Variants in ZNF112 observed in about 807,000 individuals in gnomAD.
ZNF112 encodes the protein zinc finger protein 112 (Y14).
In ZNF112, 37 loss-of-function variants were observed where a neutral mutation model predicts 77.7. The ratio of observed to expected loss-of-function variants is 0.48; its 90% CI spans 0.37 to 0.63. ZNF112 has a LOEUF of 0.63. Ranked by LOEUF, ZNF112 falls within the 20% of genes least tolerant of loss-of-function variation. The probability of loss-of-function intolerance (pLI) is 0.00; values close to 1 mark genes in which losing one functional copy is unlikely to be tolerated. For missense variants in ZNF112, 950 were observed against 1,077.4 expected, an observed-to-expected ratio of 0.88 and a Z score of 1.66; for synonymous variants, 333 against 363.6, an observed-to-expected ratio of 0.92 and a Z score of 0.96.
At chr19:44,360,257 GA>G (rs55864740), upstream of ZNF112, among the ~76,000 whole-genome samples, 9 of 138,722 alleles carry the variant, frequency 6.5e-5, no homozygotes, top group South Asian at 2.2e-4. Context: ...TCCATCTCAA[GA>G]AAAAAAAAAA....
upstream of ZNF112, among the ~76,000 whole-genome samples, chr19:44,359,315 C>CTGTTTTT (rs1970830409): frequency 1.8e-5 from 1 of 54,834 alleles, no homozygotes; most frequent in African/African-American, 7.0e-5. Flanking sequence ...TATTAGAGTT[C>CTGTTTTT]TTTTTTTTTT....
At chr19:44,367,138 A>G in exon 1 of ZNF112, 3 of 456,200 alleles carry the variant, frequency 6.6e-6, no homozygotes, top group South Asian at 3.1e-5. Flanking sequence ...GAAGACAAGG[A>G]GGGCCGCCGC....
chr19:44,347,506 T>TTTTTTA lies in ZNF112; in HGVS notation c.-3-6965_-3-6964insTAAAAA, dbSNP rs151128809. On this transcript the variant is annotated intron_variant, in intron 1 of 3. Transcript: ENST00000354340. The stretch of plus-strand genomic sequence containing the variant: ...GTTGATTTTTTTTTTTTTTTTTTTT[T>TTTTTTA]ACTATTCCATTCATTGTATCTATTA... Among the ~76,000 whole-genome samples, 53 of 100,072 alleles carry TTTTTTA rather than the reference T, an allele frequency of 5.3e-4. 1 individual carries two copies. Among genetic ancestry groups the TTTTTTA allele is most frequent in the South Asian group, 2.4e-3 (6 of 2,508 alleles). The allele number at this position is 100,072 out of a possible 152,430, so 65.7% of individuals were successfully genotyped here.
Position 44,329,315 on chromosome 19 carries a change from G to T in ZNF112, c.842C>A (p.Thr281Lys), listed in dbSNP as rs10419604. 3.9e-3 allele frequency: 6,298 copies of T among 1,613,970 alleles called. 207 individuals are homozygous for T. In the African/African-American group the frequency reaches 0.074, roughly 19 times the overall value. ...QQFHLEGKPYTYSSCGKGCNY... is the reference protein window; with the variant it reads ...QQFHLEGKPYKYSSCGKGCNY... ...ACAGCCCTTTCCACATGAACTGTATGTATAGGGCTTCCCTTCCAAGTGGAA... is the reference window on the plus strand; with the variant it reads ...ACAGCCCTTTCCACATGAACTGTATTTATAGGGCTTCCCTTCCAAGTGGAA... Residue 281 changes from threonine to lysine, a missense_variant, in exon 4 of 4, where the codon ACA (threonine) becomes AAA (lysine). This residue lies in a region of ZNF112 where 560 missense variants were observed against 557.3 expected (regional missense o/e 1.00). Transcript: ENST00000354340.
At chr19:44,337,954 G>A (rs1970417279) in intron 2 of ZNF112, among the ~76,000 whole-genome samples, 1 of 137,092 alleles carries the variant, frequency 7.3e-6, no homozygotes, top group Admixed American at 7.8e-5. Context: ...CCAGACTTTG[G>A]CATTAAATAC....
At chr19:44,334,423 C>T (rs1970327387) in intron 3 of ZNF112, among the ~76,000 whole-genome samples, 2 of 152,178 alleles carry the variant, frequency 1.3e-5, no homozygotes. Flanking sequence ...AAAAGAAAAA[C>T]CAATTTTCTG....
At chr19:44,336,561 G>C in intron 3 of ZNF112, 62 bp downstream of exon 3, 1 of 1,387,798 alleles carries the variant, frequency 7.2e-7, no homozygotes, top group South Asian at 1.2e-5. Flanking sequence ...GAAGTGATGT[G>C]TTCTGACTCA....
At chr19:44,364,632 A>G (rs1490396732) in intron 1 of ZNF112, among the ~76,000 whole-genome samples, 1 of 151,746 alleles carries the variant, frequency 6.6e-6, no homozygotes, top group East Asian at 1.9e-4. Context: ...AAAAATATTC[A>G]GAAAAAAAAA....
At chr19:44,341,405 CA>C (rs1211071360) in intron 1 of ZNF112, among the ~76,000 whole-genome samples, 3 of 152,012 alleles carry the variant, frequency 2.0e-5, no homozygotes, top group African/African-American at 7.3e-5. Context: ...AAATAAATAC[CA>C]AAAAGTAACA....
Position 44,328,235 on chromosome 19 carries a change from C to A in ZNF112, c.1922G>T (p.Ser641Ile), listed in dbSNP as rs1233239533. 2 of 1,614,144 alleles carry A rather than the reference C, an allele frequency of 1.2e-6. No individual in the cohort carries two copies. The highest frequency in any genetic ancestry group is 2.2e-5 in the East Asian group (1 of 44,870). Reference sequence around the variant, plus strand: ...ATGAATTTGAAGATTAAAGCTCCAACTGAACCCCTTCCCACATTCCTCACA... The same window carrying A: ...ATGAATTTGAAGATTAAAGCTCCAAATGAACCCCTTCCCACATTCCTCACA... ...FKCEECGKGF[S>I]WSFNLQIHQR... Residue 641 changes from serine to isoleucine, a missense_variant, in exon 4 of 4, where the codon AGT becomes ATT. Ser to Ile is a moderately radical substitution (Grantham distance 142). Around this residue, in one of 3 missense-constraint regions of ZNF112, gnomAD observed 373 missense variants for 482.8 expected, o/e 0.77. Transcript: ENST00000354340.
At chr19:44,357,542 G>A (rs549090661), upstream of ZNF112, among the ~76,000 whole-genome samples, 34 of 152,122 alleles carry the variant, frequency 2.2e-4, no homozygotes, top group African/African-American at 7.5e-4. Flanking sequence ...TTTGTTGCAA[G>A]ATCCACAAGA....
At chr19:44,346,997 T>G (rs1301140802) in intron 1 of ZNF112, among the ~76,000 whole-genome samples, 4 of 152,242 alleles carry the variant, frequency 2.6e-5, no homozygotes, top group African/African-American at 4.8e-5. Context: ...TCAGTCTTCT[T>G]GTTCTACTGA....
At chr19:44,337,964 C>T (rs1204598458) in intron 2 of ZNF112, among the ~76,000 whole-genome samples, 1 of 125,468 alleles carries the variant, frequency 8.0e-6, no homozygotes, top group Non-Finnish European at 1.7e-5. Context: ...GCATTAAATA[C>T]CATTCCCCAG....
chr19:44,334,950 A>G (rs1297195242), intron 3 of ZNF112, among the ~76,000 whole-genome samples: 1 of 152,250 alleles, frequency 6.6e-6, no homozygotes, highest in Non-Finnish European at 1.5e-5. Flanking sequence ...GGCATTGCCT[A>G]GTGGAGCTGT....
chr19:44,341,663 C>T lies in ZNF112; in HGVS notation c.-3-1121G>A, dbSNP rs144846552. 2.6e-3 allele frequency among the ~76,000 whole-genome samples: 403 copies of T among 152,328 alleles called. 1 individual carries two copies. Among genetic ancestry groups the T allele is most frequent in the African/African-American group, 9.3e-3 (386 of 41,564 alleles). ...TAATAAAGTTCATTCTCTTTACACA[C>T]ATTTGCTGTTCATCTCGATTTCTTG... On this transcript the variant is annotated intron_variant, in intron 1 of 3. Transcript: ENST00000354340.
exon 1 of ZNF112, chr19:44,367,111 C>T: frequency 4.4e-6 from 2 of 456,140 alleles, no homozygotes; most frequent in Non-Finnish European, 8.8e-6. Context: ...CCACTGCTAG[C>T]CGCGGATGCT....
chr19:44,341,897 T>G (rs1196305683), intron 1 of ZNF112, among the ~76,000 whole-genome samples: 1 of 151,126 alleles, frequency 6.6e-6, no homozygotes, highest in Non-Finnish European at 1.5e-5. Context: ...CTGCTTTGGT[T>G]TGCTTTGCTT....
At chr19:44,351,686 C>A (rs1046838766) in intron 1 of ZNF112, among the ~76,000 whole-genome samples, 2 of 152,078 alleles carry the variant, frequency 1.3e-5, no homozygotes, top group Non-Finnish European at 2.9e-5. Flanking sequence ...TATTTACAAT[C>A]TGGGCCTAAA....
chr19:44,345,121 C>T (rs1316493149), intron 1 of ZNF112, among the ~76,000 whole-genome samples: 1 of 152,094 alleles, frequency 6.6e-6, no homozygotes, highest in East Asian at 1.9e-4. Flanking sequence ...AAACCAATGC[C>T]CAGACCCAAG....
Sources: allele counts gnomAD v4.1 joint callset (sites outside exome capture counted in the v4.1 genomes callset), GRCh38; gene constraint gnomAD v4.1.1; regional missense constraint gnomAD v4.1.1; transcripts MANE v1.5; gene names NCBI Gene and HGNC (gene_info 2026-07-23, HGNC 2026-07-21).